The following DNAH9 variants were observed in gnomAD, a reference collection of about 807,000 sequenced individuals.
The protein encoded by DNAH9 is dynein axonemal heavy chain 9.
A neutral mutation model predicts 471.6 loss-of-function variants in DNAH9; 345 were observed. The observed-to-expected ratio is 0.73, with a 90% CI of 0.67 to 0.80. The LOEUF (loss-of-function observed/expected upper bound fraction) is 0.80. Ranked by LOEUF, DNAH9 falls within the 30% of genes least tolerant of loss-of-function variation. The pLI, the probability that DNAH9 is intolerant of heterozygous loss-of-function variation, is 0.00. For synonymous variants in DNAH9, 2,093 were observed against 2,123.6 expected (o/e 0.99, Z 0.40); for missense variants, 5,407 against 5,609.2 (o/e 0.96, Z 1.15).
At chr17:11,668,176 A>G (rs1043987451) in intron 15 of DNAH9, among the ~76,000 whole-genome samples, 1 of 152,222 alleles carries the variant, frequency 6.6e-6, no homozygotes, top group Non-Finnish European at 1.5e-5. Flanking sequence ...AATTTTTATC[A>G]CTACAGGACC....
intron 32 of DNAH9, among the ~76,000 whole-genome samples, chr17:11,751,786 G>A (rs1228920792): frequency 6.6e-6 from 1 of 152,006 alleles, no homozygotes; most frequent in Non-Finnish European, 1.5e-5. Context: ...AAAAAAATTA[G>A]AGGAAAGGAG....
intron 68 of DNAH9, among the ~76,000 whole-genome samples, chr17:11,968,866 A>G (rs946160825): frequency 6.6e-6 from 1 of 152,266 alleles, no homozygotes; most frequent in Non-Finnish European, 1.5e-5. Context: ...TATGAAATAG[A>G]AAAGAAACAG....
chr17:11,689,542 A>G, intron 19 of DNAH9, 24 bp from the exon 20 acceptor site: 1 of 1,586,454 alleles, frequency 6.3e-7, no homozygotes, highest in Non-Finnish European at 8.6e-7. Context: ...CCATACTTAC[A>G]AAGGAACACA....
At chr17:11,934,265 T>A (rs1230637671) in intron 65 of DNAH9, among the ~76,000 whole-genome samples, 194 bp downstream of exon 65, 1 of 152,070 alleles carries the variant, frequency 6.6e-6, no homozygotes, top group South Asian at 2.1e-4. Flanking sequence ...GCCTGCCCTG[T>A]TTAAGTTGAG....
chr17:11,679,616 T>G (rs999029676), intron 17 of DNAH9, 141 bp from the exon 18 acceptor site: 16 of 667,408 alleles, frequency 2.4e-5, no homozygotes, highest in South Asian at 1.6e-4. Flanking sequence ...CAGAGCATAG[T>G]CTATGCAGAG....
intron 27 of DNAH9, among the ~76,000 whole-genome samples, chr17:11,721,225 A>G (rs2075051934): frequency 6.6e-6 from 1 of 152,164 alleles, no homozygotes; most frequent in Non-Finnish European, 1.5e-5. Flanking sequence ...ATTTTGTTAA[A>G]AGTACAGGGT....
rs115731870 is a variant in DNAH9 at position 11,854,524 on chromosome 17, A to C, written c.9933+96A>C. ...TAACACCTAACGTTACGGTTTTTAA[A>C]GAGAAGCAGGAAAACCACATTTTCA... On this transcript the variant is annotated intron_variant, in intron 50 of 68. Transcript: ENST00000262442. 2,662 of 1,394,566 alleles carry C rather than the reference A, an allele frequency of 1.9e-3. 29 individuals carry two copies. The African/African-American group carries it at 0.03, about 16-fold the overall frequency. The allele number at this position is 1,394,566 out of a possible 1,614,324, so 86.4% of individuals were successfully genotyped here.
intron 6 of DNAH9, among the ~76,000 whole-genome samples, chr17:11,622,541 C>A (rs1002927562): frequency 1.3e-5 from 2 of 152,154 alleles, no homozygotes; most frequent in Admixed American, 6.5e-5. Flanking sequence ...GAATTTCCAT[C>A]ACTGCCTGGC....
intron 57 of DNAH9, among the ~76,000 whole-genome samples, chr17:11,891,396 C>G (rs181183891): frequency 2.0e-5 from 3 of 152,054 alleles, no homozygotes; most frequent in African/African-American, 7.2e-5. Context: ...GAGACAGAAC[C>G]ACTCTGTCGC....
At chr17:11,706,783 A>G (rs558896651) in intron 26 of DNAH9, among the ~76,000 whole-genome samples, 2 of 152,334 alleles carry the variant, frequency 1.3e-5, no homozygotes, top group Admixed American at 6.5e-5. Flanking sequence ...TTAAAATGCT[A>G]TGCATCCCCA....
At chr17:11,770,800 TA>T (rs1301291603) in intron 38 of DNAH9, among the ~76,000 whole-genome samples, 2 of 152,232 alleles carry the variant, frequency 1.3e-5, no homozygotes, top group Non-Finnish European at 2.9e-5. Context: ...CTTTTAAGTA[TA>T]ATCTGTATTA....
intron 56 of DNAH9, among the ~76,000 whole-genome samples, chr17:11,886,369 T>G (rs1308787893): frequency 6.6e-6 from 1 of 151,972 alleles, no homozygotes; most frequent in Non-Finnish European, 1.5e-5. Flanking sequence ...TTTCTGAAAA[T>G]AGAATATTCC....
chr17:11,950,708 A>AACTT (rs1975333554), intron 67 of DNAH9, among the ~76,000 whole-genome samples: 1 of 152,106 alleles, frequency 6.6e-6, no homozygotes, highest in African/African-American at 2.4e-5. Context: ...CTTATAACAA[A>AACTT]ACTTACAGAA....
At chr17:11,816,632 C>G (rs936664787) in intron 45 of DNAH9, among the ~76,000 whole-genome samples, 19 of 152,086 alleles carry the variant, frequency 1.2e-4, no homozygotes, top group Admixed American at 1.1e-3. Context: ...TAGAATCTAG[C>G]CCTTAGCTTC....
Position 11,805,430 on chromosome 17 carries a change from A to G in DNAH9, c.8421-2302A>G, listed in dbSNP as rs562520756. 2.7e-5 allele frequency among the ~76,000 whole-genome samples: 4 copies of G among 150,278 alleles called. No homozygotes were observed. The South Asian group carries it at 6.4e-4, about 24-fold the overall frequency. ...TGAATATGGCATTTCTAATTATAACATCATTAACACAGACAGGAGCACAGG... is the reference window on the plus strand; with the variant it reads ...TGAATATGGCATTTCTAATTATAACGTCATTAACACAGACAGGAGCACAGG... On this transcript the variant is annotated intron_variant, in intron 43 of 68. Transcript: ENST00000262442.
rs1277516253 is a variant in DNAH9 at position 11,623,530 on chromosome 17, T to A, written c.1350+3749T>A. On this transcript the variant is annotated intron_variant, in intron 6 of 68. Coordinates refer to ENST00000262442, the MANE Select transcript of DNAH9 (RefSeq NM_001372.4). The surrounding 1 kb of genome is among the most constrained non-coding windows in gnomAD (Gnocchi z 4.1). ...TGCATCGCCCTTGCCCTTTGCCATC[T>A]TCCTCCTCCCCCAGCTCTTGCCTCC... Among the ~76,000 whole-genome samples the A allele has an allele frequency of 2.0e-5, 3 of 152,140 alleles. No individual in the cohort carries two copies. Among genetic ancestry groups the A allele is most frequent in the Non-Finnish European group, 4.4e-5 (3 of 68,034 alleles).
At chr17:11,894,659 T>A (rs1241989521) in intron 59 of DNAH9, among the ~76,000 whole-genome samples, 163 bp downstream of exon 59, 1 of 152,192 alleles carries the variant, frequency 6.6e-6, no homozygotes, top group Non-Finnish European at 1.5e-5. Context: ...TGAGCTCATC[T>A]TTCCTGGGCC....
intron 67 of DNAH9, among the ~76,000 whole-genome samples, chr17:11,960,775 T>C (rs923120163): frequency 2.6e-5 from 4 of 151,476 alleles, no homozygotes; most frequent in Non-Finnish European, 5.9e-5. Flanking sequence ...AAAAAAGAAT[T>C]CCAAAAGTTA....
rs112498859 is a variant in DNAH9 at position 11,875,509 on chromosome 17, T to C, written c.10478+325T>C. 6.7e-3 allele frequency among the ~76,000 whole-genome samples: 1,014 copies of C among 152,344 alleles called. 8 individuals are homozygous for C. Among genetic ancestry groups the C allele is most frequent in the African/African-American group, 0.023 (959 of 41,576 alleles). ...TTCATATCCCATTGTCACATAGCTC[T>C]GTGCTTTATAAAGTTTTCCTCACCC... On this transcript the variant is annotated intron_variant, in intron 53 of 68. Transcript: ENST00000262442.
Sources: allele counts gnomAD v4.1 joint callset (sites outside exome capture counted in the v4.1 genomes callset), GRCh38; gene constraint gnomAD v4.1.1; non-coding constraint Gnocchi (gnomAD v3.1); transcripts MANE v1.5; gene names NCBI Gene and HGNC (gene_info 2026-07-23, HGNC 2026-07-21).